The following PRDM15 variants were observed in gnomAD, a reference collection of about 807,000 sequenced individuals.
The protein encoded by PRDM15 is PR/SET domain 15, also known as PR domain zinc finger protein 15.
In PRDM15, 64 loss-of-function variants were observed where a neutral mutation model predicts 128.6. The observed-to-expected ratio is 0.50, with a 90% CI of 0.41 to 0.61. The LOEUF (loss-of-function observed/expected upper bound fraction) is 0.61. Ranked by LOEUF, PRDM15 falls within the 20% of genes least tolerant of loss-of-function variation. PRDM15 has a pLI of 0.00. For missense variants in PRDM15, 1,242 were observed against 1,569.1 expected, an observed-to-expected ratio of 0.79 and a Z score of 3.52; for synonymous variants, 615 against 621.8, an observed-to-expected ratio of 0.99 and a Z score of 0.16.
At chr21:41,852,055 C>T (rs546219700) in intron 5 of PRDM15, among the ~76,000 whole-genome samples, 2 of 152,332 alleles carry the variant, frequency 1.3e-5, no homozygotes, top group Admixed American at 1.3e-4. Context: ...AAATCAGAGG[C>T]GACTCTGTTC....
At chr21:41,869,467 G>A (rs1173163334) in intron 1 of PRDM15, among the ~76,000 whole-genome samples, 4 of 148,154 alleles carry the variant, frequency 2.7e-5, no homozygotes, top group Non-Finnish European at 4.5e-5. Context: ...TTGAGACATG[G>A]TGGAGTTTCA....
In PRDM15 at chr21:41,868,236, T is replaced by C. The variant is rs115572355; in HGVS notation, c.-9-7864A>G. The stretch of plus-strand genomic sequence containing the variant: ...GTTTGTTTAGCAATTCACTCACTCA[T>C]GGAAGGACACTTGCAATTTTTCCCA... On this transcript the variant is annotated intron_variant, in intron 1 of 23. Coordinates refer to ENST00000398548, the MANE Select transcript of PRDM15 (RefSeq NM_001040424.3). 1.9e-3 allele frequency among the ~76,000 whole-genome samples: 296 copies of C among 152,306 alleles called. 3 individuals carry two copies. Among genetic ancestry groups the C allele is most frequent in the African/African-American group, 6.5e-3 (271 of 41,560 alleles).
chr21:41,823,660 C>T (rs758645606), intron 13 of PRDM15, among the ~76,000 whole-genome samples: 1 of 152,182 alleles, frequency 6.6e-6, no homozygotes. Context: ...TAAACAGGTG[C>T]TTACGTTACA....
intron 4 of PRDM15, among the ~76,000 whole-genome samples, chr21:41,855,822 A>G (rs996824109): frequency 1.3e-5 from 2 of 152,224 alleles, no homozygotes; most frequent in Non-Finnish European, 2.9e-5. Context: ...ACAGGCAGGT[A>G]GCCAACGGCC....
At chr21:41,829,881 CAACA>C (rs1323842122) in intron 11 of PRDM15, among the ~76,000 whole-genome samples, 1 of 151,044 alleles carries the variant, frequency 6.6e-6, no homozygotes, top group Non-Finnish European at 1.5e-5. Context: ...CACACACACT[CAACA>C]CACACCACAC....
chr21:41,861,538 C>T (rs766420396), intron 1 of PRDM15: 24 of 1,551,742 alleles, frequency 1.5e-5, no homozygotes, highest in South Asian at 8.3e-5. Context: ...TCCTCTGCCC[C>T]CCCCCAATCC....
intron 8 of PRDM15, chr21:41,837,077 TA>T (rs1387184743): frequency 6.5e-6 from 1 of 153,822 alleles, no homozygotes; most frequent in Non-Finnish European, 1.4e-5. Context: ...TTCTGGGCAA[TA>T]AGATAAAGTA....
intron 17 of PRDM15, 83 bp from the exon 18 acceptor site, chr21:41,819,784 C>G (rs879266714): frequency 3.1e-5 from 47 of 1,496,602 alleles, no homozygotes; most frequent in African/African-American, 4.2e-5. Flanking sequence ...AGGAGAGGGG[C>G]CCAGCCTCCC....
intron 21 of PRDM15, 47 bp from the exon 22 acceptor site, chr21:41,804,661 G>T (rs1247354460): frequency 2.2e-5 from 32 of 1,457,586 alleles, no homozygotes; most frequent in Non-Finnish European, 2.8e-5. Context: ...TGCTGCTGAT[G>T]CAGGTGGGAA....
At position 41,819,528 on chromosome 21, in the gene PRDM15, T is replaced by C. The variant is rs1241973548; in HGVS notation, c.2260+54A>G. On this transcript the variant is annotated intron_variant, in intron 18 of 23. Transcript: ENST00000398548. ...TCGCTCATGTCCCCTTCCAGCACCCTGCAGCAGGGTGGCCTGGCTGAGCCT... is the reference window on the plus strand; with the variant it reads ...TCGCTCATGTCCCCTTCCAGCACCCCGCAGCAGGGTGGCCTGGCTGAGCCT... 3 of 1,313,382 alleles carry C rather than the reference T, an allele frequency of 2.3e-6. No homozygotes were observed. In the Admixed American group the frequency reaches 6.2e-5, roughly 27 times the overall value. The allele number at this position is 1,313,382 out of a possible 1,614,324, so 81.4% of individuals were successfully genotyped here.
At chr21:41,878,717 C>T (rs757785954) in intron 1 of PRDM15, 3 of 1,572,528 alleles carry the variant, frequency 1.9e-6, no homozygotes, top group South Asian at 2.2e-5. Context: ...TCTCTAAACG[C>T]GGGGTTGGGG....
chr21:41,831,005 G>A (rs904181752), intron 11 of PRDM15, among the ~76,000 whole-genome samples: 25 of 152,328 alleles, frequency 1.6e-4, no homozygotes, highest in African/African-American at 5.1e-4. Flanking sequence ...GGGCCCAGCA[G>A]AGCTGCATTC....
chr21:41,835,376 G>A (rs1332359069), intron 11 of PRDM15, 61 bp downstream of exon 11: 108 of 1,361,420 alleles, frequency 7.9e-5, no homozygotes, highest in South Asian at 1.0e-4. Flanking sequence ...CACGGTCTCC[G>A]CGGCGTATCT....
intron 5 of PRDM15, among the ~76,000 whole-genome samples, chr21:41,849,935 CA>C (rs2063376769): frequency 6.6e-6 from 1 of 151,752 alleles, no homozygotes; most frequent in Non-Finnish European, 1.5e-5. Flanking sequence ...GACTCTGTCT[CA>C]AAAAAATAAA....
chr21:41,847,221 G>A, intron 5 of PRDM15, 30 bp from the exon 6 acceptor site: 2 of 1,482,064 alleles, frequency 1.3e-6, no homozygotes, highest in Non-Finnish European at 1.8e-6. Flanking sequence ...AGAAAAAGGT[G>A]ACCCCCAAGC....
intron 21 of PRDM15, among the ~76,000 whole-genome samples, chr21:41,807,219 G>A (rs1264003920): frequency 1.3e-5 from 2 of 152,224 alleles, no homozygotes; most frequent in Admixed American, 1.3e-4. Context: ...TGCTTTCTGT[G>A]TTTTGTTTTT....
At chr21:41,847,950 CTGATGCTCTTGTG>C (rs2063318787) in intron 5 of PRDM15, among the ~76,000 whole-genome samples, 13 of 152,348 alleles carry the variant, frequency 8.5e-5, no homozygotes, top group South Asian at 6.2e-4. Context: ...AAAAAAGTCA[CTGATGCTCTTGTG>C]CAACCTACAA....
chr21:41,857,184 G>T lies in PRDM15; in HGVS notation c.277C>A (p.Pro93Thr). The T allele has an allele frequency of 6.2e-7, 1 of 1,613,108 alleles. No individual in the cohort carries two copies. Among genetic ancestry groups the T allele is most frequent in the South Asian group, 1.1e-5 (1 of 90,980 alleles). The change falls in exon 4 of 24, where the codon CCC becomes ACC. Residue 93 changes from proline (P) to threonine (T), a missense_variant. Pro to Thr is a conservative substitution (Grantham distance 38). This residue lies in a region of PRDM15 where 612 missense variants were observed against 717.0 expected (regional missense o/e 0.85). Coordinates refer to ENST00000398548, the MANE Select transcript of PRDM15 (RefSeq NM_001040424.3). ...TTGGCAACAGCCTTTACCTTCAGGG[G>T]AAATGCAGACTCCTTTTCCCATTTG... is the stretch of plus-strand genomic sequence containing the variant. ...VAKWEKESAF[P>T]LKVFQKDGHP... is the part of the protein sequence containing the mutation.
chr21:41,835,616 T>C, intron 10 of PRDM15, 92 bp from the exon 11 acceptor site: 1 of 972,202 alleles, frequency 1.0e-6, no homozygotes, highest in Non-Finnish European at 1.6e-6. Flanking sequence ...ACTCCACGCC[T>C]GTGTCTGTTA....
Sources: gnomAD v4.1 joint callset for allele counts (sites outside exome capture counted in the v4.1 genomes callset) on GRCh38, gnomAD v4.1.1 for gene constraint, gnomAD v4.1.1 regional missense constraint, MANE v1.5 for transcripts, NCBI Gene and HGNC (gene_info 2026-07-23, HGNC 2026-07-21) for gene names.